Variants in LRRIQ3 observed in about 807,000 individuals in gnomAD.
LRRIQ3 encodes the protein leucine rich repeats and IQ motif containing 3.
In LRRIQ3, 75 loss-of-function variants were observed where a neutral mutation model predicts 59.3. The ratio of observed to expected loss-of-function variants is 1.26; its 90% confidence interval spans 1.05 to 1.53. The LOEUF is 1.53. Among genes scored for constraint, LRRIQ3 ranks in the 40% most tolerant of loss-of-function variants. The pLI is 0.00. For synonymous variants in LRRIQ3, 250 were observed against 231.3 expected (o/e 1.08, Z -0.73); for missense variants, 831 against 710.0 (o/e 1.17, Z -1.94).
At chr1:74,090,602 T>C (rs1161043880) in intron 5 of LRRIQ3, among the ~76,000 whole-genome samples, 2 of 152,006 alleles carry the variant, frequency 1.3e-5, no homozygotes, top group Admixed American at 1.3e-4. Flanking sequence ...GAAAGATTTG[T>C]TTAGGCCAGG....
At chr1:74,110,931 T>G (rs1382714976) in intron 4 of LRRIQ3, among the ~76,000 whole-genome samples, 1 of 151,998 alleles carries the variant, frequency 6.6e-6, no homozygotes, top group Non-Finnish European at 1.5e-5. Context: ...ATCAGCTACA[T>G]GATGAATGCA....
rs1290792331 is a variant in LRRIQ3, at chr1:74,153,864, T to C, written c.707+1869A>G. Among the ~76,000 whole-genome samples the C allele has an allele frequency of 2.0e-5, 3 of 152,118 alleles. No homozygotes were observed. The South Asian group carries it at 6.2e-4, about 32-fold the overall frequency. On this transcript the variant is annotated intron_variant, in intron 4 of 7. Transcript: ENST00000354431. Reference sequence around the variant, plus strand: ...TTTTGAAAGATTACTGTCTGCATGCTGGAAGGGAGCAAGAAATCCAAGGAA... The same window carrying C: ...TTTTGAAAGATTACTGTCTGCATGCCGGAAGGGAGCAAGAAATCCAAGGAA...
chr1:74,179,277 T>C (rs1385585492), intron 3 of LRRIQ3, among the ~76,000 whole-genome samples: 2 of 152,010 alleles, frequency 1.3e-5, no homozygotes, highest in African/African-American at 4.8e-5. Flanking sequence ...GCTTCCTCGT[T>C]TTTTTCTGAC....
intron 1 of LRRIQ3, among the ~76,000 whole-genome samples, chr1:74,193,129 G>C (rs1650875420): frequency 6.6e-6 from 1 of 152,168 alleles, no homozygotes; most frequent in South Asian, 2.1e-4. Flanking sequence ...TATGCACATA[G>C]AGGAGGAATC....
chr1:74,144,819 C>A (rs1295939556), intron 4 of LRRIQ3, among the ~76,000 whole-genome samples: 1 of 151,358 alleles, frequency 6.6e-6, no homozygotes, highest in Non-Finnish European at 1.5e-5. Flanking sequence ...ATATTTTATC[C>A]TAATTCATAC....
chr1:74,099,596 A>G (rs1015895810), intron 5 of LRRIQ3, among the ~76,000 whole-genome samples: 3 of 152,150 alleles, frequency 2.0e-5, no homozygotes, highest in African/African-American at 7.2e-5. Flanking sequence ...TAGCAGAGAC[A>G]CAACAAAAAA....
chr1:74,151,944 ACTAATTTT>A (rs1381062843), intron 4 of LRRIQ3, among the ~76,000 whole-genome samples: 1 of 152,178 alleles, frequency 6.6e-6, no homozygotes, highest in Non-Finnish European at 1.5e-5. Flanking sequence ...GTTCAGAAAA[ACTAATTTT>A]ATAGAAACAG....
intron 7 of LRRIQ3, among the ~76,000 whole-genome samples, chr1:74,034,352 A>C (rs910281788): frequency 6.6e-6 from 1 of 152,018 alleles, no homozygotes; most frequent in Non-Finnish European, 1.5e-5. Context: ...TCGCATAACC[A>C]AAACATTGCC....
At chr1:74,167,542 C>T (rs1325233884) in intron 3 of LRRIQ3, among the ~76,000 whole-genome samples, 2 of 151,442 alleles carry the variant, frequency 1.3e-5, no homozygotes, top group South Asian at 2.1e-4. Context: ...TTAAAAAATA[C>T]GACACTCTAA....
At chr1:74,132,081 T>C (rs986822220) in intron 4 of LRRIQ3, among the ~76,000 whole-genome samples, 1 of 151,628 alleles carries the variant, frequency 6.6e-6, no homozygotes, top group Admixed American at 6.6e-5. Flanking sequence ...TATGCACCAA[T>C]AACAGACAGA....
intron 4 of LRRIQ3, among the ~76,000 whole-genome samples, chr1:74,122,901 A>G (rs188653005): frequency 1.1e-3 from 164 of 152,230 alleles, no homozygotes; most frequent in African/African-American, 3.8e-3. Context: ...CAACCTACAG[A>G]ATGGGAGAAA....
chr1:74,179,362 AT>A (rs922879959), intron 3 of LRRIQ3, among the ~76,000 whole-genome samples: 14 of 152,082 alleles, frequency 9.2e-5, no homozygotes, highest in Admixed American at 7.2e-4. Context: ...TTATTGTGTT[AT>A]AAGGCACAAG....
At chr1:74,134,628 G>A (rs1647089449) in intron 4 of LRRIQ3, among the ~76,000 whole-genome samples, 2 of 151,860 alleles carry the variant, frequency 1.3e-5, no homozygotes, top group East Asian at 1.9e-4. Context: ...AAGGTAGAGG[G>A]ATTTAAGTTT....
At chr1:74,027,024 G>A (rs1422262064) in intron 7 of LRRIQ3, 55 bp from the exon 8 acceptor site, 12 of 1,207,262 alleles carry the variant, frequency 9.9e-6, no homozygotes, top group African/African-American at 1.5e-5. Flanking sequence ...CTGAAACCAT[G>A]GCAATCTATT....
At chr1:74,167,924 T>G (rs1394975112) in intron 3 of LRRIQ3, among the ~76,000 whole-genome samples, 1 of 152,106 alleles carries the variant, frequency 6.6e-6, no homozygotes, top group Non-Finnish European at 1.5e-5. Context: ...TGTCATCAGA[T>G]AGCACACCCT....
At chr1:74,093,545 G>A (rs928952406) in intron 5 of LRRIQ3, among the ~76,000 whole-genome samples, 5 of 152,080 alleles carry the variant, frequency 3.3e-5, no homozygotes, top group African/African-American at 9.7e-5. Context: ...TCTTGTCTAA[G>A]TGAAGCAGAC....
At chr1:74,108,885 T>G in intron 5 of LRRIQ3, 1 of 395,174 alleles carries the variant, frequency 2.5e-6, no homozygotes, top group Non-Finnish European at 5.0e-6. Context: ...AAAAAATATC[T>G]ATCTATGGTG....
chr1:74,129,503 G>C (rs1276176878), intron 4 of LRRIQ3, among the ~76,000 whole-genome samples: 1 of 152,024 alleles, frequency 6.6e-6, no homozygotes, highest in East Asian at 1.9e-4. Flanking sequence ...CTCTGGACCA[G>C]AGAGGGTACA....
chr1:74,060,212 CTTCTTCTTG>C (rs778435622), intron 6 of LRRIQ3, among the ~76,000 whole-genome samples: 9,298 of 34,902 alleles, frequency 0.27, 509 homozygotes, highest in Middle Eastern at 0.43. Context: ...TCTTCTTCTT[CTTCTTCTTG>C]TTCTTCTTCT....
Sources: allele counts gnomAD v4.1 joint callset (sites outside exome capture counted in the v4.1 genomes callset), GRCh38; gene constraint gnomAD v4.1.1; transcripts MANE v1.5; gene names NCBI Gene and HGNC (gene_info 2026-07-23, HGNC 2026-07-21).